CCDC92B: variants seen among roughly 807,000 people sequenced by gnomAD.
CCDC92B encodes the protein coiled-coil domain containing 92B.
Under a neutral mutation model 5.6 loss-of-function variants are expected in CCDC92B, and 2 were observed. The observed-to-expected ratio is 0.36, with a 90% CI of 0.15 to 1.12. The LOEUF (loss-of-function observed/expected upper bound fraction) is 1.12, where lower values mean the gene tolerates loss of function less well. CCDC92B is among the 50% of genes most tolerant of loss of function. The probability of loss-of-function intolerance (pLI) is 0.40; values close to 1 mark genes in which losing one functional copy is unlikely to be tolerated. For missense variants in CCDC92B, 271 were observed against 262.2 expected (o/e 1.03, Z -0.23); for synonymous variants, 115 against 122.3 (o/e 0.94, Z 0.39).
chr17:2,739,702 G>T (rs1357852507), intron 1 of CCDC92B, among the ~76,000 whole-genome samples: 1 of 152,072 alleles, frequency 6.6e-6, no homozygotes, highest in Non-Finnish European at 1.5e-5. Flanking sequence ...TAGATAGATA[G>T]ATAGGTGATA....
rs1293791120 is a variant in CCDC92B at position 2,724,363 on chromosome 17, T to A, written c.*48A>T. The A allele has an allele frequency of 7.1e-5, 70 of 984,980 alleles. 1 individual carries two copies. The East Asian group carries it at 7.8e-3, about 109-fold the overall frequency. The allele number at this position is 984,980 out of a possible 1,614,324, so 61.0% of individuals were successfully genotyped here. On this transcript the variant is annotated 3_prime_UTR_variant, in exon 4 of 4. Transcript: ENST00000614400. The surrounding 1 kb of genome is among the most constrained non-coding windows in gnomAD (Gnocchi z 5.0). The stretch of plus-strand genomic sequence containing the variant: ...GCCTGCGGGGACCGAGCTGCGTCCC[T>A]GGCCGGCCCTCCCCGTCCGTCCCGC...
At chr17:2,728,049 A>G (rs1241348679) in intron 3 of CCDC92B, among the ~76,000 whole-genome samples, 2 of 151,508 alleles carry the variant, frequency 1.3e-5, no homozygotes, top group Non-Finnish European at 2.9e-5. Context: ...TGAAAGAGCC[A>G]GGCACAGTGG....
intron 1 of CCDC92B, among the ~76,000 whole-genome samples, chr17:2,746,206 TC>T: frequency 6.6e-6 from 1 of 152,184 alleles, no homozygotes; most frequent in East Asian, 1.9e-4. Flanking sequence ...GGTCTCGAAC[TC>T]CTGACCTCAA....
chr17:2,726,692 C>T (rs2070735431), intron 3 of CCDC92B, among the ~76,000 whole-genome samples: 1 of 151,876 alleles, frequency 6.6e-6, no homozygotes, highest in Admixed American at 6.6e-5. Context: ...CGGTTCACTG[C>T]ACCCTCTGCC....
intron 3 of CCDC92B, among the ~76,000 whole-genome samples, chr17:2,725,533 C>G (rs961036406): frequency 6.6e-5 from 10 of 151,634 alleles, no homozygotes; most frequent in Non-Finnish European, 8.8e-5. Flanking sequence ...TGCTTGGTCT[C>G]TAATTCTTCA....
chr17:2,725,060 C>T lies in CCDC92B; in HGVS notation c.179-60G>A, dbSNP rs1431675011. The T allele has an allele frequency of 8.1e-6, 8 of 984,582 alleles. No homozygotes were observed. The Admixed American group carries it at 1.9e-4, about 23-fold the overall frequency. The allele number at this position is 984,582 out of a possible 1,614,324, so 61.0% of individuals were successfully genotyped here. A position where few individuals can be genotyped will look rare whatever the true frequency, so the allele number is the denominator to read the frequency against. On this transcript the variant is annotated intron_variant, in intron 3 of 3. Coordinates refer to ENST00000614400, the MANE Select transcript of CCDC92B (RefSeq NM_001355573.2). ...CCCCTGGCTTGGAACAGAACCTGCA[C>T]GGCTCAGAGCTCCGTGTAACAAAAC...
intron 1 of CCDC92B, among the ~76,000 whole-genome samples, chr17:2,739,072 A>G (rs2070890803): frequency 6.6e-6 from 1 of 151,340 alleles, no homozygotes; most frequent in Admixed American, 6.6e-5. Flanking sequence ...CTCTGTCTCA[A>G]AAATAAATAA....
intron 1 of CCDC92B, among the ~76,000 whole-genome samples, chr17:2,745,738 C>T (rs971591046): frequency 2.6e-5 from 4 of 152,104 alleles, no homozygotes; most frequent in African/African-American, 7.2e-5. Flanking sequence ...AGCTCATGCC[C>T]GAGGACTTGA....
chr17:2,727,299 G>A (rs2070740561), intron 3 of CCDC92B, among the ~76,000 whole-genome samples: 1 of 152,224 alleles, frequency 6.6e-6, no homozygotes, highest in African/African-American at 2.4e-5. Flanking sequence ...TGTTTCCTGG[G>A]CGCTATGAAA....
rs2070665002 is a variant in CCDC92B, at chr17:2,722,188, C to T, written c.*2223G>A. 1 of 152,106 alleles carries T rather than the reference C, an allele frequency of 6.6e-6. No individual in the cohort carries two copies. Among genetic ancestry groups the T allele is most frequent in the African/African-American group, 2.4e-5 (1 of 41,326 alleles). 9.4% of individuals were successfully genotyped at this position (152,106 alleles called of 1,614,324 possible). On this transcript the variant is annotated 3_prime_UTR_variant, in exon 4 of 4. Coordinates refer to ENST00000614400, the MANE Select transcript of CCDC92B (RefSeq NM_001355573.2). Reference sequence around the variant, plus strand: ...GAGACTTTGCCCTTCTTCCCACAGTCCTCTGGGCACCTCCGAGAGAGGAGT... The same window carrying T: ...GAGACTTTGCCCTTCTTCCCACAGTTCTCTGGGCACCTCCGAGAGAGGAGT...
intron 1 of CCDC92B, among the ~76,000 whole-genome samples, chr17:2,742,980 A>T (rs1453792861): frequency 1.3e-5 from 2 of 152,154 alleles, no homozygotes; most frequent in Non-Finnish European, 2.9e-5. Context: ...CAAAAAACAT[A>T]TCCCAAAGCC....
intron 1 of CCDC92B, among the ~76,000 whole-genome samples, chr17:2,737,684 G>A (rs2070872437): frequency 6.6e-6 from 1 of 151,640 alleles, no homozygotes. Context: ...CACCATGTTA[G>A]CCAGGATGGT....
intron 1 of CCDC92B, among the ~76,000 whole-genome samples, chr17:2,741,414 C>T (rs966375195): frequency 1.3e-5 from 2 of 151,838 alleles, no homozygotes; most frequent in Non-Finnish European, 2.9e-5. Context: ...CGGGGTCTCA[C>T]GCCTGTAATC....
rs1035537005 is a variant in CCDC92B, at chr17:2,722,114, CAA to C, written c.*2295_*2296del. On this transcript the variant is annotated 3_prime_UTR_variant, in exon 4 of 4. Transcript: ENST00000614400. ...CCTAACAAAGTCACCCTGTTCACCCCAAAAGTGTGGTCGTGGGAGATGAGGGT... is the reference window on the plus strand; with the variant it reads ...CCTAACAAAGTCACCCTGTTCACCCCAAGTGTGGTCGTGGGAGATGAGGGT... 9 of 152,168 alleles carry C rather than the reference CAA, an allele frequency of 5.9e-5. No individual in the cohort carries two copies. Among genetic ancestry groups the C allele is most frequent in the African/African-American group, 2.2e-4 (9 of 41,402 alleles). 9.4% of individuals were successfully genotyped at this position (152,168 alleles called of 1,614,324 possible).
chr17:2,726,904 C>G (rs900868879), intron 3 of CCDC92B, among the ~76,000 whole-genome samples: 2 of 150,980 alleles, frequency 1.3e-5, no homozygotes, highest in Non-Finnish European at 2.9e-5. Context: ...TGAGCCACCA[C>G]GCCCAGCCCT....
Position 2,749,569 on chromosome 17 carries a change from C to CAGGGG in CCDC92B, c.-183_-182insCCCCT, listed in dbSNP as rs2071030720. ...GCTGGGAGGCTGCGGGGCAGTCGGG[C>CAGGGG]CGGGGCTCCGGGGGGCTCGGGGGCG... On this transcript the variant is annotated 5_prime_UTR_variant, in exon 1 of 4. Coordinates refer to ENST00000614400, the MANE Select transcript of CCDC92B (RefSeq NM_001355573.2). 1 of 115,924 alleles carries CAGGGG rather than the reference C, an allele frequency of 8.6e-6. No individual in the cohort carries two copies. Among genetic ancestry groups the CAGGGG allele is most frequent in the Admixed American group, 9.5e-5 (1 of 10,540 alleles). The allele number at this position is 115,924 out of a possible 1,614,324, so 7.2% of individuals were successfully genotyped here.
rs1215276383 is a variant in CCDC92B, at chr17:2,740,311, CA to C, written c.-23-5144del. 4.6e-5 allele frequency among the ~76,000 whole-genome samples: 7 copies of C among 151,990 alleles called. 1 individual carries two copies. Among genetic ancestry groups the C allele is most frequent in the African/African-American group, 1.7e-4 (7 of 41,290 alleles). ...TGCAGATGTAATTAAGGCCTCCAAT[CA>C]GTTGACTTTGATTTAATCAAATGGA... On this transcript the variant is annotated intron_variant, in intron 1 of 3. Coordinates refer to ENST00000614400, the MANE Select transcript of CCDC92B (RefSeq NM_001355573.2).
chr17:2,725,472 G>T (rs893209213), intron 3 of CCDC92B, among the ~76,000 whole-genome samples: 1 of 151,406 alleles, frequency 6.6e-6, no homozygotes, highest in East Asian at 2.0e-4. Context: ...CCTTCCCCAC[G>T]CGTCGGCTCA....
At position 2,724,175 on chromosome 17, in the gene CCDC92B, C is replaced by T. The variant is rs747120456; in HGVS notation, c.*236G>A. The T allele has an allele frequency of 1.2e-4, 123 of 985,394 alleles. No homozygotes were observed. The highest frequency in any genetic ancestry group is 1.2e-4 in the Non-Finnish European group (97 of 829,894). 61.0% of individuals were successfully genotyped at this position (985,394 alleles called of 1,614,324 possible). A position where few individuals can be genotyped will look rare whatever the true frequency, so the allele number is the denominator to read the frequency against. ...GCGAGTCCTCTCGGTAGAGAAGGTG[C>T]CCCCGCTCGGCCCCGCGGAGGAACT... On this transcript the variant is annotated 3_prime_UTR_variant, in exon 4 of 4. Transcript: ENST00000614400. This position sits in a 1 kb window ranked among gnomAD's most constrained non-coding sequence, Gnocchi z 5.0.
Sources: gnomAD v4.1 joint callset for allele counts (sites outside exome capture counted in the v4.1 genomes callset) on GRCh38, gnomAD v4.1.1 for gene constraint, Gnocchi (gnomAD v3.1) non-coding constraint, MANE v1.5 for transcripts, NCBI Gene and HGNC (gene_info 2026-07-23, HGNC 2026-07-21) for gene names.